Variants in PRKG1 observed in about 807,000 individuals in gnomAD.
PRKG1 encodes the protein cGMP-dependent protein kinase 1.
PRKG1 carries 35 observed loss-of-function variants against 88.1 expected under a neutral mutation model. The observed-to-expected ratio is 0.40, with a 90% confidence interval of 0.30 to 0.53. The LOEUF is 0.53. PRKG1 is among the 20% of genes least tolerant of loss of function. The pLI, the probability that PRKG1 is intolerant of heterozygous loss-of-function variation, is 0.59. For synonymous variants in PRKG1, 303 were observed against 292.5 expected (o/e 1.04, Z -0.37); for missense variants, 540 against 839.8 (o/e 0.64, Z 4.41).
chr10:51,611,556 A>AT (rs1401155890), intron 3 of PRKG1, among the ~76,000 whole-genome samples: 2 of 150,146 alleles, frequency 1.3e-5, no homozygotes, highest in African/African-American at 4.9e-5. Flanking sequence ...TAATTTGCAT[A>AT]TATTTTCTCC....
At chr10:51,563,572 G>T (rs1450863128) in intron 3 of PRKG1, among the ~76,000 whole-genome samples, 1 of 151,924 alleles carries the variant, frequency 6.6e-6, no homozygotes, top group Non-Finnish European at 1.5e-5. Context: ...TTAAGTAAAG[G>T]TTTGATACAC....
intron 7 of PRKG1, among the ~76,000 whole-genome samples, chr10:52,075,673 GA>G (rs1846610446): frequency 6.6e-6 from 1 of 152,190 alleles, no homozygotes; most frequent in Non-Finnish European, 1.5e-5. Flanking sequence ...TTAACCAACA[GA>G]AATTTATTTT....
intron 2 of PRKG1, among the ~76,000 whole-genome samples, chr10:51,173,473 A>G (rs549032554): frequency 6.6e-6 from 1 of 151,824 alleles, no homozygotes; most frequent in South Asian, 2.1e-4. Context: ...CTTTTTAAAG[A>G]TAGTGAGGAG....
At chr10:51,769,639 T>C (rs1838252533) in intron 3 of PRKG1, among the ~76,000 whole-genome samples, 1 of 152,228 alleles carries the variant, frequency 6.6e-6, no homozygotes, top group Admixed American at 6.5e-5. Flanking sequence ...TCAATTTTTC[T>C]ACTTTAGATA....
chr10:51,994,896 A>G (rs1464365466), intron 5 of PRKG1, among the ~76,000 whole-genome samples: 1 of 152,212 alleles, frequency 6.6e-6, no homozygotes, highest in Non-Finnish European at 1.5e-5. Context: ...ACTGCAAGCT[A>G]AAGGGAAACT....
At chr10:52,164,198 A>T (rs1838364161) in intron 9 of PRKG1, among the ~76,000 whole-genome samples, 2 of 151,932 alleles carry the variant, frequency 1.3e-5, no homozygotes, top group Non-Finnish European at 2.9e-5. Flanking sequence ...TAAAAATACA[A>T]AAATTAGCCA....
intron 3 of PRKG1, among the ~76,000 whole-genome samples, chr10:51,519,791 T>G (rs1488640347): frequency 6.6e-6 from 1 of 152,162 alleles, no homozygotes; most frequent in Non-Finnish European, 1.5e-5. Flanking sequence ...TTTTATTTTT[T>G]TCCTGAACTG....
At chr10:51,561,824 C>T (rs74847238) in intron 3 of PRKG1, among the ~76,000 whole-genome samples, 2,014 of 152,018 alleles carry the variant, frequency 0.013, 42 homozygotes, top group African/African-American at 0.045. Context: ...CTTTGCATTA[C>T]GTAAATGAGA....
intron 3 of PRKG1, among the ~76,000 whole-genome samples, chr10:51,763,294 C>A (rs980889667): frequency 2.6e-5 from 4 of 152,080 alleles, no homozygotes; most frequent in African/African-American, 9.6e-5. Flanking sequence ...CGTGGTGGCA[C>A]AATCCTAGCT....
At chr10:51,383,923 C>T (rs1170266966) in intron 2 of PRKG1, among the ~76,000 whole-genome samples, 2 of 152,078 alleles carry the variant, frequency 1.3e-5, no homozygotes, top group African/African-American at 4.8e-5. Context: ...GTTTATTCTG[C>T]TGTCTTATTG....
chr10:52,091,441 T>C (rs992912931), intron 7 of PRKG1, among the ~76,000 whole-genome samples: 2 of 152,194 alleles, frequency 1.3e-5, no homozygotes, highest in African/African-American at 2.4e-5. Flanking sequence ...ATCAAACTCA[T>C]AGATCCTGGA....
intron 5 of PRKG1, among the ~76,000 whole-genome samples, chr10:52,031,007 A>G (rs1175562726): frequency 2.6e-5 from 4 of 152,172 alleles, no homozygotes; most frequent in Non-Finnish European, 4.4e-5. Context: ...GTTTCTAGCC[A>G]TAGCCAGATA....
intron 5 of PRKG1, among the ~76,000 whole-genome samples, chr10:51,976,865 CTTAT>C (rs2133100692): frequency 6.6e-6 from 1 of 152,106 alleles, no homozygotes; most frequent in Non-Finnish European, 1.5e-5. Context: ...GTGTTAGCTA[CTTAT>C]TTATGACTTA....
At chr10:51,032,519 G>A (rs1221592803) in intron 1 of PRKG1, among the ~76,000 whole-genome samples, 11 of 152,232 alleles carry the variant, frequency 7.2e-5, no homozygotes. Flanking sequence ...AGCACTTTGG[G>A]AAGCTGAGGG....
At chr10:52,027,253 A>T (rs556891266) in intron 5 of PRKG1, among the ~76,000 whole-genome samples, 1 of 152,298 alleles carries the variant, frequency 6.6e-6, no homozygotes, top group South Asian at 2.1e-4. Context: ...AACAGCAACC[A>T]CAAAAATCCA....
At chr10:51,996,596 A>G (rs1844448817) in intron 5 of PRKG1, among the ~76,000 whole-genome samples, 1 of 152,166 alleles carries the variant, frequency 6.6e-6, no homozygotes, top group Non-Finnish European at 1.5e-5. Flanking sequence ...ATCACCTCCC[A>G]ACTGCTAGAC....
chr10:51,628,144 CTTTCTTTCTTTCTTTCTTTA>C (rs1301788590), intron 3 of PRKG1, among the ~76,000 whole-genome samples: 8 of 87,564 alleles, frequency 9.1e-5, no homozygotes, highest in South Asian at 3.6e-4. Context: ...TTCTTTCTTT[CTTTCTTTCTTTCTTTCTTTA>C]TTTATTTCTT....
intron 5 of PRKG1, among the ~76,000 whole-genome samples, chr10:51,946,187 C>T (rs1465679217): frequency 6.6e-6 from 1 of 151,978 alleles, no homozygotes; most frequent in Admixed American, 6.6e-5. Flanking sequence ...CTAAACTTCC[C>T]TTCTCACTTC....
At chr10:51,674,794 T>C (rs959711191) in intron 3 of PRKG1, among the ~76,000 whole-genome samples, 16 of 152,162 alleles carry the variant, frequency 1.1e-4, no homozygotes, top group African/African-American at 3.9e-4. Flanking sequence ...GGTTGAACAA[T>C]AGTAATTTTG....
Sources: gnomAD v4.1 joint callset for allele counts (sites outside exome capture counted in the v4.1 genomes callset) on GRCh38, gnomAD v4.1.1 for gene constraint, MANE v1.5 for transcripts, NCBI Gene and HGNC (gene_info 2026-07-23, HGNC 2026-07-21) for gene names.